CCDC62: variants seen among roughly 807,000 people sequenced by gnomAD.
CCDC62 encodes coiled-coil domain-containing protein 62.
Under a neutral mutation model 80.8 loss-of-function variants are expected in CCDC62, and 72 were observed. The observed-to-expected ratio is 0.89, with a 90% CI of 0.74 to 1.08. CCDC62 has a LOEUF of 1.08. Ranked by LOEUF, CCDC62 falls within the 50% of genes least tolerant of loss-of-function variation. The probability of loss-of-function intolerance (pLI) is 0.00; values close to 1 mark genes in which losing one functional copy is unlikely to be tolerated. For missense variants in CCDC62, 704 were observed against 809.4 expected, an observed-to-expected ratio of 0.87 and a Z score of 1.58; for synonymous variants, 286 against 296.5, an observed-to-expected ratio of 0.96 and a Z score of 0.36.
chr12:122,801,431 A>C lies in CCDC62; in HGVS notation c.1285A>C (p.Lys429Gln). ...IEPENKITLCKIHTKSPKCHG... is the reference protein window; with the variant it reads ...IEPENKITLCQIHTKSPKCHG... ...ACCCGAAAACAAAATTACATTGTGC[A>C]AGATCCACACAAAATCACCAAAATG... The change falls in exon 9 of 13, where the codon AAG (lysine) becomes CAG (glutamine). Residue 429 changes from lysine (K) to glutamine (Q), a missense_variant. Lys to Gln is a moderately conservative substitution (Grantham distance 53). Coordinates refer to ENST00000253079, the MANE Select transcript of CCDC62 (RefSeq NM_201435.5). The C allele has an allele frequency of 6.2e-7, 1 of 1,613,590 alleles. No individual in the cohort carries two copies. Among genetic ancestry groups the C allele is most frequent in the South Asian group, 1.1e-5 (1 of 91,038 alleles).
chr12:122,780,830 A>G (rs1442268499), intron 2 of CCDC62, among the ~76,000 whole-genome samples: 2 of 152,098 alleles, frequency 1.3e-5, no homozygotes, highest in African/African-American at 2.4e-5. Flanking sequence ...CCATTTTTAT[A>G]TGGTTCAAAT....
rs575928955 is a variant in CCDC62 at position 122,787,308 on chromosome 12, G to A, written c.499-1450G>A. On this transcript the variant is annotated intron_variant, in intron 4 of 12. Coordinates refer to ENST00000253079, the MANE Select transcript of CCDC62 (RefSeq NM_201435.5). The stretch of plus-strand genomic sequence containing the variant: ...TACTAAAAATACAAAAAAATTAGCC[G>A]GGCATGGTGGCACACGCCTGTAATG... Among the ~76,000 whole-genome samples, 205 of 152,208 alleles carry A rather than the reference G, an allele frequency of 1.3e-3. 1 individual carries two copies. Among genetic ancestry groups the A allele is most frequent in the Non-Finnish European group, 2.2e-3 (147 of 68,018 alleles).
At chr12:122,820,061 C>CAAAAAAAAAAAAAAAAAAAA (rs34620795) in intron 11 of CCDC62, among the ~76,000 whole-genome samples, 2 of 58,104 alleles carry the variant, frequency 3.4e-5, no homozygotes, top group African/African-American at 7.9e-5. Flanking sequence ...GATCCTGTCT[C>CAAAAAAAAAAAAAAAAAAAA]AAAAAAAAAA....
Position 122,823,372 on chromosome 12 carries a change from G to C in CCDC62, c.2008G>C (p.Glu670Gln). 6.2e-7 allele frequency: 1 copy of C among 1,612,856 alleles called. No homozygotes were observed. Among genetic ancestry groups the C allele is most frequent in the Non-Finnish European group, 8.5e-7 (1 of 1,178,876 alleles). ...TCTGGGAGTTGTTTTCTAGAAGTCA[G>C]AGGTCCCAGAAGAGTCAGCTCAAAA... Reference protein sequence around the residue: ...NLTGSATNKSEVPEESAQKNT... With the variant: ...NLTGSATNKSQVPEESAQKNT... The change falls in exon 12 of 13, where the codon GAG becomes CAG. Residue 670 changes from glutamate to glutamine, a missense_variant. Glu to Gln is a conservative substitution (Grantham distance 29, BLOSUM62 2). Coordinates refer to ENST00000253079, the MANE Select transcript of CCDC62 (RefSeq NM_201435.5).
At chr12:122,787,202 C>CT (rs2030308884) in intron 4 of CCDC62, among the ~76,000 whole-genome samples, 1 of 152,192 alleles carries the variant, frequency 6.6e-6, no homozygotes, top group Non-Finnish European at 1.5e-5. Flanking sequence ...AATCCCAGCA[C>CT]TTTGGGAAGC....
intron 3 of CCDC62, among the ~76,000 whole-genome samples, chr12:122,784,437 C>T (rs879438352): frequency 4.6e-5 from 7 of 152,314 alleles, no homozygotes; most frequent in Middle Eastern, 3.4e-3. Context: ...AGGAGAATCA[C>T]TTGAACCCAG....
At chr12:122,805,639 C>T (rs1593814739) in intron 9 of CCDC62, among the ~76,000 whole-genome samples, 1 of 150,834 alleles carries the variant, frequency 6.6e-6, no homozygotes, top group South Asian at 2.1e-4. Flanking sequence ...CTCAGCCTTC[C>T]GAGTAGCTGG....
intron 5 of CCDC62, 130 bp downstream of exon 5, chr12:122,789,059 A>G (rs1214926942): frequency 7.6e-6 from 5 of 659,508 alleles, no homozygotes; most frequent in African/African-American, 1.8e-5. Context: ...TGAAATATCC[A>G]TTTCATTTAT....
At chr12:122,818,812 A>T (rs1414264779) in intron 11 of CCDC62, among the ~76,000 whole-genome samples, 1 of 152,002 alleles carries the variant, frequency 6.6e-6, no homozygotes, top group Non-Finnish European at 1.5e-5. Context: ...CCAGCTACTC[A>T]GGAGGCTGAG....
Position 122,788,871 on chromosome 12 carries a change from A to C in CCDC62, c.612A>C (p.Glu204Asp), listed in dbSNP as rs2030429564. 2 of 1,611,598 alleles carry C rather than the reference A, an allele frequency of 1.2e-6. No individual in the cohort carries two copies. Among genetic ancestry groups the C allele is most frequent in the Non-Finnish European group, 1.7e-6 (2 of 1,179,574 alleles). Residue 204 changes from glutamate (E) to aspartate (D), a missense_variant, in exon 5 of 13, where the codon GAA becomes GAC. Transcript: ENST00000253079. ...AKMAETCIVK[E>D]KQDYKQKLKA... ...TGGCGGAGACTTGTATTGTGAAAGA[A>C]AAGCAAGATTATAAGCAGAAATTGA...
chr12:122,780,409 C>G (rs1879775311), intron 2 of CCDC62, among the ~76,000 whole-genome samples: 1 of 151,064 alleles, frequency 6.6e-6, no homozygotes, highest in South Asian at 2.1e-4. Flanking sequence ...GTCAGGAGAT[C>G]AAGACCATCC....
At chr12:122,793,761 G>A (rs1331343209) in intron 6 of CCDC62, among the ~76,000 whole-genome samples, 2 of 152,038 alleles carry the variant, frequency 1.3e-5, no homozygotes, top group Non-Finnish European at 2.9e-5. Flanking sequence ...GACCTAAGAA[G>A]TTTTAAGTGA....
At chr12:122,800,565 A>T (rs1000111074) in intron 8 of CCDC62, among the ~76,000 whole-genome samples, 3 of 150,076 alleles carry the variant, frequency 2.0e-5, no homozygotes, top group African/African-American at 7.4e-5. Flanking sequence ...GTAGCTGGGA[A>T]TACAGGCCTG....
intron 6 of CCDC62, among the ~76,000 whole-genome samples, chr12:122,795,579 A>G (rs990778051): frequency 7.9e-5 from 12 of 152,060 alleles, no homozygotes; most frequent in African/African-American, 2.7e-4. Context: ...GCCCGCCACC[A>G]TGCCCAGCTA....
chr12:122,786,304 C>T (rs571927052), intron 4 of CCDC62, among the ~76,000 whole-genome samples: 2 of 77,536 alleles, frequency 2.6e-5, no homozygotes, highest in Admixed American at 3.5e-4. Context: ...CCCGCCACCA[C>T]ACCCGGCTAA....
At chr12:122,811,254 C>T (rs1256335893) in intron 10 of CCDC62, among the ~76,000 whole-genome samples, 6 of 146,954 alleles carry the variant, frequency 4.1e-5, no homozygotes, top group African/African-American at 1.5e-4. Flanking sequence ...TCTTGTTGCC[C>T]AGGCTGGAGT....
intron 1 of CCDC62, among the ~76,000 whole-genome samples, chr12:122,775,359 G>C (rs902302560): frequency 1.3e-5 from 2 of 152,188 alleles, no homozygotes; most frequent in Admixed American, 6.5e-5. Context: ...AAGTGGGCTT[G>C]CCCAAGGTTC....
rs185002055 is a variant in CCDC62 at position 122,820,807 on chromosome 12, C to G, written c.2002-2559C>G. ...AGTGAGCCGAGATCACGCCACTGCA[C>G]TCCAGCCTGGGCAACAGAGCAAGAC... On this transcript the variant is annotated intron_variant, in intron 11 of 12. Coordinates refer to ENST00000253079, the MANE Select transcript of CCDC62 (RefSeq NM_201435.5). 2.0e-5 allele frequency among the ~76,000 whole-genome samples: 3 copies of G among 149,270 alleles called. No homozygotes were observed. In the East Asian group the frequency reaches 5.9e-4, roughly 29 times the overall value.
Position 122,813,422 on chromosome 12 carries a change from A to T in CCDC62, c.2001+3A>T. 6.2e-7 allele frequency: 1 copy of T among 1,609,654 alleles called. No homozygotes were observed. The highest frequency in any genetic ancestry group is 8.5e-7 in the Non-Finnish European group (1 of 1,178,776). On this transcript the variant is annotated splice_donor_region_variant and intron_variant, in intron 11 of 12. Transcript: ENST00000253079. Reference sequence around the variant, plus strand: ...ATCTCACTGGCAGTGCCACAAATGTATGCGTTTCATTTTCTCTTGACTATA... The same window carrying T: ...ATCTCACTGGCAGTGCCACAAATGTTTGCGTTTCATTTTCTCTTGACTATA...
Sources: gnomAD v4.1 joint callset for allele counts (sites outside exome capture counted in the v4.1 genomes callset) on GRCh38, gnomAD v4.1.1 for gene constraint, MANE v1.5 for transcripts, NCBI Gene and HGNC (gene_info 2026-07-23, HGNC 2026-07-21) for gene names.